The following NECAB1 variants were observed in gnomAD, a reference collection of about 807,000 sequenced individuals.
The protein encoded by NECAB1 is N-terminal EF-hand calcium binding protein 1, also known as N-terminal EF-hand calcium-binding protein 1.
NECAB1 carries 29 observed loss-of-function variants against 57.5 expected under a neutral mutation model. That is an observed-to-expected ratio of 0.50 (90% CI 0.38 to 0.69). NECAB1 has a LOEUF of 0.69. Among genes scored for constraint, NECAB1 ranks in the 30% least tolerant of loss-of-function variants. The pLI is 0.00. For missense variants in NECAB1, 372 were observed against 413.8 expected, an observed-to-expected ratio of 0.90 and a Z score of 0.88; for synonymous variants, 142 against 147.7, an observed-to-expected ratio of 0.96 and a Z score of 0.28.
intron 6 of NECAB1, among the ~76,000 whole-genome samples, chr8:90,918,878 AC>A (rs1245628203): frequency 6.6e-6 from 1 of 151,438 alleles, no homozygotes; most frequent in East Asian, 1.9e-4. Flanking sequence ...ACTTATCTCA[AC>A]CCCTTCCTTG....
chr8:90,828,581 G>C (rs967736243), intron 3 of NECAB1, among the ~76,000 whole-genome samples: 2 of 152,110 alleles, frequency 1.3e-5, no homozygotes, highest in Non-Finnish European at 2.9e-5. Context: ...ATTTCATTCA[G>C]AGCAGCAACT....
chr8:90,859,734 T>C (rs937935448), intron 3 of NECAB1, among the ~76,000 whole-genome samples: 22 of 152,162 alleles, frequency 1.4e-4, no homozygotes, highest in African/African-American at 5.3e-4. Flanking sequence ...ATTAGTTGTG[T>C]GGGAAAATTG....
chr8:90,899,355 CTG>C (rs1177949713), intron 5 of NECAB1, among the ~76,000 whole-genome samples: 4 of 152,126 alleles, frequency 2.6e-5, no homozygotes, highest in Non-Finnish European at 5.9e-5. Flanking sequence ...ATTCAAGAAT[CTG>C]TGAAAATTCA....
chr8:90,955,119 T>TATATAC (rs1811006221), intron 12 of NECAB1, among the ~76,000 whole-genome samples: 2 of 90,072 alleles, frequency 2.2e-5, no homozygotes, highest in Admixed American at 1.0e-4. Flanking sequence ...AAATTATATA[T>TATATAC]ATATATATAT....
chr8:90,820,325 T>C (rs1054755285), intron 2 of NECAB1, among the ~76,000 whole-genome samples: 1 of 151,968 alleles, frequency 6.6e-6, no homozygotes, highest in Admixed American at 6.6e-5. Context: ...TTTATTTTCA[T>C]TTATATATTG....
At chr8:90,852,044 G>A (rs889284665) in intron 3 of NECAB1, among the ~76,000 whole-genome samples, 2 of 151,784 alleles carry the variant, frequency 1.3e-5, no homozygotes, top group Non-Finnish European at 2.9e-5. Flanking sequence ...ATATAATTTT[G>A]TTGTTGTTAT....
At chr8:90,893,091 T>C (rs989809346) in intron 5 of NECAB1, among the ~76,000 whole-genome samples, 3 of 152,214 alleles carry the variant, frequency 2.0e-5, no homozygotes, top group African/African-American at 7.2e-5. Context: ...GACATCATTC[T>C]GCCCTCCCTA....
rs915457779 is a variant in NECAB1, at chr8:90,940,721, T to C, written c.748-65T>C. ...TTGTGAGGAGGAATGGGATGGGCAGTAGGAGTCAGCTTAAATCGGGCTCCG... is the reference window on the plus strand; with the variant it reads ...TTGTGAGGAGGAATGGGATGGGCAGCAGGAGTCAGCTTAAATCGGGCTCCG... On this transcript the variant is annotated intron_variant, in intron 9 of 12. Coordinates refer to ENST00000417640, the MANE Select transcript of NECAB1 (RefSeq NM_022351.5). The C allele has an allele frequency of 1.1e-5, 13 of 1,189,766 alleles. No homozygotes were observed. The Middle Eastern group carries it at 7.3e-4, about 67-fold the overall frequency. 73.7% of individuals were successfully genotyped at this position (1,189,766 alleles called of 1,614,324 possible).
intron 5 of NECAB1, among the ~76,000 whole-genome samples, chr8:90,882,641 C>T (rs1456780471): frequency 6.6e-6 from 1 of 152,048 alleles, no homozygotes; most frequent in Non-Finnish European, 1.5e-5. Flanking sequence ...TCTCTGACCA[C>T]TCTATCTAAA....
rs146548716 is a variant in NECAB1, at chr8:90,922,646, C to G, written c.495-2889C>G. Reference sequence around the variant, plus strand: ...TAGCTGGGATTACAGGCGCCTGCCACCATGCCCAGCTAATTTTTGTGTTTT... The same window carrying G: ...TAGCTGGGATTACAGGCGCCTGCCAGCATGCCCAGCTAATTTTTGTGTTTT... On this transcript the variant is annotated intron_variant, in intron 6 of 12. Coordinates refer to ENST00000417640, the MANE Select transcript of NECAB1 (RefSeq NM_022351.5). Among the ~76,000 whole-genome samples, 350 of 152,048 alleles carry G rather than the reference C, an allele frequency of 2.3e-3. 2 individuals are homozygous for G. Among genetic ancestry groups the G allele is most frequent in the African/African-American group, 8.1e-3 (335 of 41,470 alleles).
chr8:90,927,816 T>TTTTTTTTTTTTTTTTTTTTTTG (rs1554576598), intron 7 of NECAB1, among the ~76,000 whole-genome samples: 1 of 151,454 alleles, frequency 6.6e-6, no homozygotes, highest in African/African-American at 2.4e-5. Flanking sequence ...TTTTTTTTTT[T>TTTTTTTTTTTTTTTTTTTTTTG]ATCGTAGCAA....
chr8:90,801,932 G>C (rs1158907058), intron 2 of NECAB1, among the ~76,000 whole-genome samples: 2 of 152,206 alleles, frequency 1.3e-5, no homozygotes, highest in Non-Finnish European at 2.9e-5. Context: ...TGCCTTTGAA[G>C]TGAGGAGCTC....
chr8:90,875,893 C>A (rs1357916824), intron 4 of NECAB1, among the ~76,000 whole-genome samples: 1 of 149,908 alleles, frequency 6.7e-6, no homozygotes, highest in Admixed American at 6.6e-5. Context: ...GCCTGTAGTC[C>A]CAGCTACTCT....
At chr8:90,799,575 C>A (rs1811726960) in intron 1 of NECAB1, among the ~76,000 whole-genome samples, 1 of 152,078 alleles carries the variant, frequency 6.6e-6, no homozygotes. Flanking sequence ...ATCCTTTCCC[C>A]ATTATTTATT....
chr8:90,916,506 G>A (rs955248203), intron 5 of NECAB1, among the ~76,000 whole-genome samples: 19 of 152,088 alleles, frequency 1.2e-4, no homozygotes, highest in Admixed American at 5.2e-4. Flanking sequence ...ACCCTCAGTC[G>A]TTTTGTGTTT....
intron 5 of NECAB1, among the ~76,000 whole-genome samples, chr8:90,882,879 C>A (rs374594737): frequency 5.9e-5 from 9 of 152,112 alleles, no homozygotes; most frequent in African/African-American, 2.2e-4. Context: ...AAATCATACT[C>A]AAAAATTTAT....
chr8:90,809,305 A>G (rs1811912424), intron 2 of NECAB1, among the ~76,000 whole-genome samples: 1 of 152,052 alleles, frequency 6.6e-6, no homozygotes, highest in South Asian at 2.1e-4. Context: ...TCCACATCCA[A>G]TCTATTAGCA....
chr8:90,824,634 G>A lies in NECAB1; in HGVS notation c.125-83G>A, dbSNP rs544981523. 3.0e-4 allele frequency: 251 copies of A among 835,582 alleles called. 1 individual carries two copies. In the East Asian group the frequency reaches 6.0e-3, roughly 20 times the overall value. 51.8% of individuals were successfully genotyped at this position (835,582 alleles called of 1,614,324 possible). A position where few individuals can be genotyped will look rare whatever the true frequency, so the allele number is the denominator to read the frequency against. On this transcript the variant is annotated intron_variant, in intron 2 of 12. Transcript: ENST00000417640. The stretch of plus-strand genomic sequence containing the variant: ...AGTACACGTGTGTACATGAACAAGC[G>A]TTTGGGTGAAGTTTTATAAAGCAAA...
intron 6 of NECAB1, among the ~76,000 whole-genome samples, chr8:90,919,028 A>G (rs1003996): frequency 0.29 from 44,596 of 151,682 alleles, 7,239 homozygotes; most frequent in East Asian, 0.6. Flanking sequence ...AATGATGGAA[A>G]TTATTTCAAA....
Sources: allele counts gnomAD v4.1 joint callset (sites outside exome capture counted in the v4.1 genomes callset), GRCh38; gene constraint gnomAD v4.1.1; transcripts MANE v1.5; gene names NCBI Gene and HGNC (gene_info 2026-07-23, HGNC 2026-07-21).